The following KIAA0825 variants were observed in gnomAD, a reference collection of about 807,000 sequenced individuals.
KIAA0825 encodes uncharacterized protein KIAA0825.
In KIAA0825, 119 loss-of-function variants were observed where a neutral mutation model predicts 147.6. That is an observed-to-expected ratio of 0.81 (90% CI 0.69 to 0.94). KIAA0825 has a LOEUF of 0.94. KIAA0825 is among the 40% of genes least tolerant of loss of function. KIAA0825 has a pLI of 0.00. For missense variants in KIAA0825, 1,381 were observed against 1,472.7 expected (o/e 0.94, Z 1.02); for synonymous variants, 470 against 518.1 (o/e 0.91, Z 1.26).
rs1750658861 is a variant in KIAA0825, at chr5:94,396,411, G to GA, written c.2985dup (p.Leu996SerfsTer3). 1 of 1,548,954 alleles carries GA rather than the reference G, an allele frequency of 6.5e-7. No individual in the cohort carries two copies. Among genetic ancestry groups the GA allele is most frequent in the East Asian group, 2.4e-5 (1 of 40,878 alleles). On this transcript the variant is annotated frameshift_variant, in exon 17 of 21. Transcript: ENST00000682413. LOFTEE classifies it high-confidence loss of function. ...TTTTTTGACATTTTTCTCTCAGACA[G>GA]AAAAAAGAAGTATTTAACTGGGGGA...
intron 20 of KIAA0825, among the ~76,000 whole-genome samples, chr5:94,276,708 ATTC>A (rs1297204940): frequency 2.0e-5 from 3 of 151,968 alleles, no homozygotes; most frequent in Non-Finnish European, 4.4e-5. Flanking sequence ...TTAAGATTTA[ATTC>A]TTAATTATTT....
At chr5:94,562,903 T>C (rs1040765168) in intron 2 of KIAA0825, among the ~76,000 whole-genome samples, 1 of 152,202 alleles carries the variant, frequency 6.6e-6, no homozygotes, top group Non-Finnish European at 1.5e-5. Context: ...GCTTTAACTA[T>C]TAAATAAATT....
intron 20 of KIAA0825, among the ~76,000 whole-genome samples, chr5:94,290,651 T>C (rs994608965): frequency 6.6e-6 from 1 of 152,244 alleles, no homozygotes; most frequent in Admixed American, 6.5e-5. Context: ...ATATACCCAG[T>C]AATGGAATTG....
At chr5:94,386,853 C>G (rs1036999674) in intron 18 of KIAA0825, among the ~76,000 whole-genome samples, 1 of 152,190 alleles carries the variant, frequency 6.6e-6, no homozygotes, top group African/African-American at 2.4e-5. Context: ...TATTTTACTG[C>G]AAGCAGTCTC....
intron 20 of KIAA0825, among the ~76,000 whole-genome samples, chr5:94,171,499 G>C (rs983199000): frequency 6.6e-6 from 1 of 152,132 alleles, no homozygotes; most frequent in Admixed American, 6.5e-5. Context: ...TGAGGGTAGA[G>C]ACCTTGTTTA....
intron 20 of KIAA0825, among the ~76,000 whole-genome samples, chr5:94,248,696 T>C (rs1007885002): frequency 2.0e-5 from 3 of 152,128 alleles, no homozygotes; most frequent in Non-Finnish European, 4.4e-5. Flanking sequence ...TGCTGCAATG[T>C]GGATTTACCT....
chr5:94,275,161 C>T (rs920500428), intron 20 of KIAA0825, among the ~76,000 whole-genome samples: 1 of 152,040 alleles, frequency 6.6e-6, no homozygotes, highest in Admixed American at 6.6e-5. Flanking sequence ...ATGCACTAGC[C>T]TACATATTTT....
At chr5:94,276,694 T>C (rs1386848245) in intron 20 of KIAA0825, among the ~76,000 whole-genome samples, 2 of 152,062 alleles carry the variant, frequency 1.3e-5, no homozygotes, top group African/African-American at 4.8e-5. Context: ...AAGAAATAGA[T>C]TGATTAAGAT....
intron 13 of KIAA0825, among the ~76,000 whole-genome samples, chr5:94,442,535 G>A (rs558193320): frequency 1.3e-5 from 2 of 152,232 alleles, no homozygotes; most frequent in Admixed American, 6.5e-5. Flanking sequence ...AGTTCCAAAT[G>A]TGGTGCCAAA....
rs1751673301 is a variant in KIAA0825 at position 94,403,594 on chromosome 5, T to G, written c.2862A>C (p.Glu954Asp). The change falls in exon 16 of 21, where the codon GAA (glutamate) becomes GAC (aspartate). Residue 954 changes from glutamate to aspartate, a missense_variant. Transcript: ENST00000682413. ...TTTTGCATGATTCTTTCCTGTTAGTTTCTTTTGGACTATAATTCCATTCCT... is the reference window on the plus strand; with the variant it reads ...TTTTGCATGATTCTTTCCTGTTAGTGTCTTTTGGACTATAATTCCATTCCT... ...MPKEWNYSPK[E>D]TNRKESCKSF... is the part of the protein sequence containing the mutation. 1.3e-6 allele frequency: 2 copies of G among 1,551,378 alleles called. No homozygotes were observed. The highest frequency in any genetic ancestry group is 3.9e-5 in the Admixed American group (2 of 50,974).
chr5:94,284,772 T>C (rs1205657890), intron 20 of KIAA0825, among the ~76,000 whole-genome samples: 1 of 152,156 alleles, frequency 6.6e-6, no homozygotes, highest in Admixed American at 6.6e-5. Flanking sequence ...GTCCCTTAAA[T>C]GTTACCCTCT....
At chr5:94,362,560 C>T (rs142420795) in intron 20 of KIAA0825, among the ~76,000 whole-genome samples, 15 of 144,818 alleles carry the variant, frequency 1.0e-4, no homozygotes, top group East Asian at 5.8e-4. Flanking sequence ...TCCAGATGTA[C>T]GTTCTGACTC....
At chr5:94,383,012 A>G (rs1422593157) in intron 20 of KIAA0825, among the ~76,000 whole-genome samples, 1 of 152,232 alleles carries the variant, frequency 6.6e-6, no homozygotes. Flanking sequence ...GACATTTAAT[A>G]TTGTATAAAC....
intron 5 of KIAA0825, among the ~76,000 whole-genome samples, chr5:94,516,615 C>T (rs1266584547): frequency 1.4e-5 from 2 of 147,226 alleles, no homozygotes; most frequent in Non-Finnish European, 1.5e-5. Flanking sequence ...CACGGTGAAA[C>T]CCCGTCTCTA....
chr5:94,285,376 T>C (rs1777624916), intron 20 of KIAA0825, among the ~76,000 whole-genome samples: 1 of 152,170 alleles, frequency 6.6e-6, no homozygotes, highest in Non-Finnish European at 1.5e-5. Context: ...TATATGTTCT[T>C]CGGATTTTTA....
intron 20 of KIAA0825, among the ~76,000 whole-genome samples, chr5:94,252,677 A>G (rs1359720770): frequency 6.6e-6 from 1 of 152,062 alleles, no homozygotes; most frequent in African/African-American, 2.4e-5. Flanking sequence ...TCCAGAAAAT[A>G]GGAACCATTT....
At chr5:94,206,821 T>G (rs1772242355) in intron 20 of KIAA0825, among the ~76,000 whole-genome samples, 1 of 152,120 alleles carries the variant, frequency 6.6e-6, no homozygotes, top group Non-Finnish European at 1.5e-5. Flanking sequence ...ATGGACTAAC[T>G]TTTCCTTTCT....
At chr5:94,229,853 T>G (rs965094851) in intron 20 of KIAA0825, among the ~76,000 whole-genome samples, 1 of 152,176 alleles carries the variant, frequency 6.6e-6, no homozygotes, top group Non-Finnish European at 1.5e-5. Context: ...AATGCAGGTG[T>G]GTCTTCAGAT....
chr5:94,580,570 A>G (rs891296059), intron 2 of KIAA0825, among the ~76,000 whole-genome samples: 1 of 149,030 alleles, frequency 6.7e-6, no homozygotes, highest in African/African-American at 2.6e-5. Flanking sequence ...CTGTGGTACT[A>G]GGTTTTTTAA....
Sources: gnomAD v4.1 joint callset for allele counts (sites outside exome capture counted in the v4.1 genomes callset) on GRCh38, gnomAD v4.1.1 for gene constraint, MANE v1.5 for transcripts, NCBI Gene and HGNC (gene_info 2026-07-23, HGNC 2026-07-21) for gene names.